The following TONSL variants were observed in gnomAD, a reference collection of about 807,000 sequenced individuals.
TONSL encodes the protein tonsoku like, DNA repair protein.
A neutral mutation model predicts 147.1 loss-of-function variants in TONSL; 112 were observed. The observed-to-expected ratio is 0.76, with a 90% CI of 0.65 to 0.89. TONSL has a LOEUF of 0.89. TONSL is among the 40% of genes least tolerant of loss of function. The pLI is 0.00. For missense variants in TONSL, 1,883 were observed against 1,864.6 expected, an observed-to-expected ratio of 1.01 and a Z score of -0.18; for synonymous variants, 868 against 801.5, an observed-to-expected ratio of 1.08 and a Z score of -1.40.
chr8:144,440,440 C>T lies in TONSL; in HGVS notation c.1201G>A (p.Glu401Lys), dbSNP rs145310042. ...KTWLNIALSR[E>K]EAGDAYELLA... is the part of the protein sequence containing the mutation. Reference sequence around the variant, plus strand: ...AGCTCGTAGGCATCGCCGGCCTCCTCGCGGGACAGTGCAATGTTCAGCCAG... The same window carrying T: ...AGCTCGTAGGCATCGCCGGCCTCCTTGCGGGACAGTGCAATGTTCAGCCAG... The change falls in exon 10 of 26, where the codon GAG becomes AAG. Residue 401 changes from glutamate (E) to lysine (K), a missense_variant. Transcript: ENST00000409379. 59 of 1,608,282 alleles carry T rather than the reference C, an allele frequency of 3.7e-5. No homozygotes were observed. The highest frequency in any genetic ancestry group is 4.6e-5 in the Non-Finnish European group (54 of 1,176,934).
In TONSL at chr8:144,438,739, G is replaced by A. The variant is rs1410037858; in HGVS notation, c.1481-4C>T. Reference sequence around the variant, plus strand: ...GTCAGGCCATCGGTGTCGTCCTCTGGAACAGAGCCAAGCCCACCCCAGGGG... The same window carrying A: ...GTCAGGCCATCGGTGTCGTCCTCTGAAACAGAGCCAAGCCCACCCCAGGGG... On this transcript the variant is annotated splice_region_variant and splice_polypyrimidine_tract_variant and intron_variant, in intron 11 of 25. Transcript: ENST00000409379. 1.2e-6 allele frequency: 2 copies of A among 1,612,674 alleles called. No individual in the cohort carries two copies. The highest frequency in any genetic ancestry group is 1.7e-6 in the Non-Finnish European group (2 of 1,179,818).
intron 11 of TONSL, 38 bp from the exon 12 acceptor site, chr8:144,438,773 G>A: frequency 6.2e-7 from 1 of 1,602,474 alleles, no homozygotes; most frequent in Non-Finnish European, 8.5e-7. Flanking sequence ...GGAGTCCGTG[G>A]GAGGTGAAGG....
At chr8:144,433,532 G>A in intron 22 of TONSL, 56 bp downstream of exon 22, 1 of 1,567,614 alleles carries the variant, frequency 6.4e-7, no homozygotes, top group African/African-American at 1.4e-5. Flanking sequence ...GAAAGTCCTG[G>A]AAACCCTCAA....
Position 144,432,473 on chromosome 8 carries a change from C to G in TONSL, c.3560-13G>C. 1 of 1,521,450 alleles carries G rather than the reference C, an allele frequency of 6.6e-7. No individual in the cohort carries two copies. The highest frequency in any genetic ancestry group is 2.3e-5 in the East Asian group (1 of 42,784). 94.2% of individuals were successfully genotyped at this position (1,521,450 alleles called of 1,614,324 possible). ...AGGTGCTCAGCATCTGCACCGGGGC[C>G]AGAATCCGTCAGCCCCACGTGGCCA... is the stretch of plus-strand genomic sequence containing the variant. On this transcript the variant is annotated splice_polypyrimidine_tract_variant and intron_variant, in intron 22 of 25. Coordinates refer to ENST00000409379, the MANE Select transcript of TONSL (RefSeq NM_013432.5).
At position 144,443,205 on chromosome 8, in the gene TONSL, C is replaced by A; in HGVS notation, c.381G>T (p.Arg127Ser). The A allele has an allele frequency of 1.3e-6, 2 of 1,550,774 alleles. No individual in the cohort carries two copies. Among genetic ancestry groups the A allele is most frequent in the Non-Finnish European group, 1.7e-6 (2 of 1,146,966 alleles). Residue 127 changes from arginine (R) to serine (S), a missense_variant, in exon 4 of 26, where the codon AGG becomes AGT. Physicochemically the swap from Arg to Ser is moderately radical, Grantham distance 110 (BLOSUM62 -1). Transcript: ENST00000409379. Reference protein sequence around the residue: ...HLDIYDHCQSRDALLQAQAAF... With the variant: ...HLDIYDHCQSSDALLQAQAAF... The stretch of plus-strand genomic sequence containing the variant: ...CAGCCTGTGCCTGCAGCAAAGCATC[C>A]CTCGACTGGCAGTGGTCATAGATGT...
chr8:144,429,712 G>A (rs782308297), intron 25 of TONSL, among the ~76,000 whole-genome samples: 2 of 152,210 alleles, frequency 1.3e-5, no homozygotes, highest in Non-Finnish European at 2.9e-5. Context: ...TGGGTGGGAA[G>A]GTACAGATGC....
intron 2 of TONSL, 68 bp downstream of exon 2, chr8:144,444,112 C>G (rs1823820516): frequency 7.7e-7 from 1 of 1,306,980 alleles, no homozygotes; most frequent in Admixed American, 4.1e-5. Context: ...CCGTCGCCCC[C>G]CGGCCCCCGA....
rs115362873 is a variant in TONSL at position 144,431,254 on chromosome 8, G to A, written c.3736-103C>T. 2.0e-3 allele frequency: 2,173 copies of A among 1,064,458 alleles called. 29 individuals are homozygous for A. In the African/African-American group the frequency reaches 0.031, roughly 15 times the overall value. 65.9% of individuals were successfully genotyped at this position (1,064,458 alleles called of 1,614,324 possible). On this transcript the variant is annotated intron_variant, in intron 23 of 25. Transcript: ENST00000409379. The stretch of plus-strand genomic sequence containing the variant: ...ACCCAGGGGCCCAGAAGGGAGCAGA[G>A]TCCCCCATCAAGTTGGAGATCGGAA...
chr8:144,436,234 G>A lies in TONSL; in HGVS notation c.2199C>T (p.Ser733=). ...TGCTGCTGCTGGCTGGCCCATGCCT[G>A]CTCCTCCGAGGCCTGGCCATGGCTG... ...AAPAMARPRR[S]RHGPASSSSS... The change falls in exon 17 of 26, where the codon AGC becomes AGT. Residue 733 remains serine (S), a synonymous_variant. Coordinates refer to ENST00000409379, the MANE Select transcript of TONSL (RefSeq NM_013432.5). The A allele has an allele frequency of 6.4e-7, 1 of 1,552,866 alleles. No homozygotes were observed. Among genetic ancestry groups the A allele is most frequent in the South Asian group, 1.2e-5 (1 of 84,440 alleles).
intron 21 of TONSL, 103 bp from the exon 22 acceptor site, chr8:144,433,862 C>T: frequency 6.8e-7 from 1 of 1,466,706 alleles, no homozygotes; most frequent in Admixed American, 2.6e-5. Flanking sequence ...CCTGGCATAG[C>T]CTATTACAGC....
chr8:144,432,441 G>A lies in TONSL; in HGVS notation c.3579C>T (p.Thr1193=), dbSNP rs1348474363. ...SAFQDAEHLK[T]LSLSYNALGA... is the part of the protein sequence containing the mutation. ...CCAGGGCGTTGTAGGACAGGGACAG[G>A]GTCTTCAGGTGCTCAGCATCTGCAC... The change falls in exon 23 of 26, where the codon ACC becomes ACT. Residue 1193 remains threonine (T), a synonymous_variant. Transcript: ENST00000409379. 2.6e-6 allele frequency: 4 copies of A among 1,557,174 alleles called. No homozygotes were observed. Among genetic ancestry groups the A allele is most frequent in the East Asian group, 4.6e-5 (2 of 43,606 alleles).
intron 11 of TONSL, among the ~76,000 whole-genome samples, chr8:144,439,090 G>C (rs1363140940): frequency 1.3e-5 from 2 of 152,006 alleles, no homozygotes; most frequent in Non-Finnish European, 2.9e-5. Context: ...TCGTGGGCCA[G>C]TCTTCCTCCA....
At chr8:144,433,417 C>A in intron 22 of TONSL, 171 bp downstream of exon 22, 1 of 689,266 alleles carries the variant, frequency 1.5e-6, no homozygotes, top group East Asian at 2.7e-5. Flanking sequence ...ACTATGTGGG[C>A]CAGGCTTTCC....
chr8:144,440,811 G>A lies in TONSL; in HGVS notation c.1071C>T (p.Ser357=). ...TCATGTCTCCCAGTGTGGTGGCCAGGGACACGTGGATGATGGCCCGCTCAG... is the reference window on the plus strand; with the variant it reads ...TCATGTCTCCCAGTGTGGTGGCCAGAGACACGTGGATGATGGCCCGCTCAG... ...PGAERAIIHV[S]LATTLGDMKD... Residue 357 remains serine (S), a synonymous_variant, in exon 9 of 26, where the codon TCC becomes TCT. Coordinates refer to ENST00000409379, the MANE Select transcript of TONSL (RefSeq NM_013432.5). 6.2e-7 allele frequency: 1 copy of A among 1,612,908 alleles called. No homozygotes were observed. Among genetic ancestry groups the A allele is most frequent in the Non-Finnish European group, 8.5e-7 (1 of 1,179,978 alleles).
In TONSL at chr8:144,441,734, C is replaced by T. The variant is rs1823728060; in HGVS notation, c.865+303G>A. 3 of 362,158 alleles carry T rather than the reference C, an allele frequency of 8.3e-6. No individual in the cohort carries two copies. The Admixed American group carries it at 1.4e-4, about 17-fold the overall frequency. 22.4% of individuals were successfully genotyped at this position (362,158 alleles called of 1,614,324 possible). ...CTCCCACCCTGGGAGGCTAGGGGTA[C>T]AACTACTGTCTCCAGTTTGCCAATG... is the stretch of plus-strand genomic sequence containing the variant. On this transcript the variant is annotated intron_variant, in intron 7 of 25. Coordinates refer to ENST00000409379, the MANE Select transcript of TONSL (RefSeq NM_013432.5).
At chr8:144,430,673 G>A in intron 24 of TONSL, 136 bp from the exon 25 acceptor site, 1 of 1,092,030 alleles carries the variant, frequency 9.2e-7, no homozygotes. Context: ...GCCTGGCCCA[G>A]TAGCAGGTGG....
Position 144,436,180 on chromosome 8 carries a change from G to T in TONSL, c.2253C>A (p.Gly751=). The T allele has an allele frequency of 6.3e-7, 1 of 1,575,962 alleles. No individual in the cohort carries two copies. The highest frequency in any genetic ancestry group is 8.6e-7 in the Non-Finnish European group (1 of 1,166,118). ...SSSSEGEDSA[G]PARPSQKRPR... The stretch of plus-strand genomic sequence containing the variant: ...GCCTCTTCTGGGACGGCCGTGCGGG[G>T]CCTGCGCTGTCCTCGCCTTCTGAGC... Residue 751 remains glycine, a synonymous_variant, in exon 17 of 26, where the codon GGC becomes GGA. Coordinates refer to ENST00000409379, the MANE Select transcript of TONSL (RefSeq NM_013432.5).
Position 144,433,625 on chromosome 8 carries a change from A to G in TONSL, c.3522T>C (p.Phe1174=), listed in dbSNP as rs1039551435. ...TACCCAGTGCTGTCTGGTGGCTCAG[A>G]AAGAAGCTGGGGCCGAAGCCACACG... ...LQACGFGPSF[F]LSHQTALGSA... Residue 1174 remains phenylalanine, a synonymous_variant, in exon 22 of 26, where the codon TTT becomes TTC. Transcript: ENST00000409379. 1.3e-5 allele frequency: 21 copies of G among 1,613,354 alleles called. No homozygotes were observed. Among genetic ancestry groups the G allele is most frequent in the Non-Finnish European group, 1.5e-5 (18 of 1,179,976 alleles).
chr8:144,440,515 G>A, intron 9 of TONSL, 39 bp from the exon 10 acceptor site: 1 of 1,558,632 alleles, frequency 6.4e-7, no homozygotes, highest in African/African-American at 1.4e-5. Flanking sequence ...GGCTGCCGCT[G>A]TCTGCGTCCA....
Sources: allele counts gnomAD v4.1 joint callset (sites outside exome capture counted in the v4.1 genomes callset), GRCh38; gene constraint gnomAD v4.1.1; transcripts MANE v1.5; gene names NCBI Gene and HGNC (gene_info 2026-07-23, HGNC 2026-07-21).